Variants in LAMA2 observed in about 807,000 individuals in gnomAD.
LAMA2 encodes the protein laminin subunit alpha-2.
A neutral mutation model predicts 364.8 loss-of-function variants in LAMA2; 269 were observed. That is an observed-to-expected ratio of 0.74 (90% CI 0.67 to 0.82). The LOEUF (loss-of-function observed/expected upper bound fraction) is 0.82. LAMA2 is among the 40% of genes least tolerant of loss of function. LAMA2 has a pLI of 0.00. For missense variants in LAMA2, 3,807 were observed against 3,873.2 expected (o/e 0.98, Z 0.45); for synonymous variants, 1,379 against 1,370.6 (o/e 1.01, Z -0.14).
At chr6:129,218,548 A>C (rs2115089164) in intron 12 of LAMA2, among the ~76,000 whole-genome samples, 1 of 152,280 alleles carries the variant, frequency 6.6e-6, no homozygotes, top group Non-Finnish European at 1.5e-5. Flanking sequence ...AAGTTAAAAT[A>C]ATCATTTTTC....
Position 129,270,709 on chromosome 6 carries a change from A to G in LAMA2, c.2408A>G (p.Asp803Gly), listed in dbSNP as rs1251341449. ...GAGCCTACTAAAGGAACCTCTGAAG[A>G]CTGTCAACCCTGTGCCTGTCCACTC... ...YGEPTKGTSE[D>G]CQPCACPLNI... Residue 803 changes from aspartate to glycine, a missense_variant, in exon 17 of 65, where the codon GAC becomes GGC. Around this residue, in one of 3 missense-constraint regions of LAMA2, gnomAD observed 3,333 missense variants for 3,345.7 expected, o/e 1.00. Coordinates refer to ENST00000421865, the MANE Select transcript of LAMA2 (RefSeq NM_000426.4). 6.2e-7 allele frequency: 1 copy of G among 1,613,280 alleles called. No individual in the cohort carries two copies.
intron 3 of LAMA2, among the ~76,000 whole-genome samples, chr6:129,066,038 G>GTTTTTTTTTTTTTTTTTTTTTTTTTT (rs544271722): frequency 8.1e-5 from 3 of 37,118 alleles, no homozygotes; most frequent in African/African-American, 2.6e-4. Flanking sequence ...CCAGTCTCAG[G>GTTTTTTTTTTTTTTTTTTTTTTTTTT]TTTTTTTTTT....
intron 1 of LAMA2, among the ~76,000 whole-genome samples, chr6:129,037,039 G>A (rs974369944): frequency 1.1e-4 from 17 of 152,140 alleles, no homozygotes; most frequent in African/African-American, 4.1e-4. Context: ...ACATAGCTCA[G>A]GATTTCAGCA....
intron 1 of LAMA2, among the ~76,000 whole-genome samples, chr6:129,036,641 AAAG>A (rs985524062): frequency 8.1e-4 from 123 of 152,208 alleles, no homozygotes; most frequent in African/African-American, 2.8e-3. Context: ...TTAAAAAAAA[AAAG>A]AAGAAGAAGA....
At position 129,086,815 on chromosome 6, in the gene LAMA2, G is replaced by C. The variant is rs186075168; in HGVS notation, c.397-11358G>C. ...CAAGTCTCACTGAGCTAAAGTCCAG[G>C]TGTGGGTAGTATTGCATTTCTTTCT... On this transcript the variant is annotated intron_variant, in intron 3 of 64. Coordinates refer to ENST00000421865, the MANE Select transcript of LAMA2 (RefSeq NM_000426.4). Among the ~76,000 whole-genome samples the C allele has an allele frequency of 3.3e-3, 503 of 152,326 alleles. 1 individual carries two copies. The highest frequency in any genetic ancestry group is 6.0e-3 in the Non-Finnish European group (409 of 68,030).
At chr6:129,444,278 A>C (rs1356250012) in intron 44 of LAMA2, among the ~76,000 whole-genome samples, 2 of 152,208 alleles carry the variant, frequency 1.3e-5, no homozygotes, top group African/African-American at 4.8e-5. Context: ...AATTTGCCTA[A>C]GTCTAAGTAG....
intron 4 of LAMA2, among the ~76,000 whole-genome samples, chr6:129,112,210 C>T (rs1419013040): frequency 6.6e-6 from 1 of 151,880 alleles, no homozygotes; most frequent in Non-Finnish European, 1.5e-5. Flanking sequence ...GGAAAAAAAT[C>T]CTCTATTGCT....
At chr6:129,188,856 A>G (rs748565348) in intron 10 of LAMA2, among the ~76,000 whole-genome samples, 23 of 151,694 alleles carry the variant, frequency 1.5e-4, no homozygotes, top group Non-Finnish European at 2.5e-4. Context: ...TCTTCATGCT[A>G]TTTTTCTCTT....
intron 1 of LAMA2, among the ~76,000 whole-genome samples, chr6:129,005,508 G>A (rs772463427): frequency 3.1e-4 from 47 of 151,678 alleles, no homozygotes; most frequent in Non-Finnish European, 5.6e-4. Flanking sequence ...AAATTCATGG[G>A]TATAGATAAC....
At chr6:129,429,769 T>C (rs1236330887) in intron 41 of LAMA2, among the ~76,000 whole-genome samples, 1 of 152,230 alleles carries the variant, frequency 6.6e-6, no homozygotes, top group Non-Finnish European at 1.5e-5. Context: ...AGGTGATTCA[T>C]GCAAGTGCAA....
At chr6:129,267,325 A>G (rs1164355647) in intron 16 of LAMA2, 106 bp downstream of exon 16, 1 of 802,070 alleles carries the variant, frequency 1.2e-6, no homozygotes, top group East Asian at 2.4e-5. Context: ...TTGAGTCAAG[A>G]AGTGCTTTGA....
chr6:128,992,697 G>A (rs1783680805), intron 1 of LAMA2, among the ~76,000 whole-genome samples: 1 of 152,148 alleles, frequency 6.6e-6, no homozygotes, highest in Non-Finnish European at 1.5e-5. Flanking sequence ...GTGTAGTGGG[G>A]AAAATGAAGA....
At chr6:129,191,390 A>G (rs772911674) in intron 11 of LAMA2, among the ~76,000 whole-genome samples, 20 of 152,198 alleles carry the variant, frequency 1.3e-4, no homozygotes, top group Non-Finnish European at 2.5e-4. Flanking sequence ...TATTGCTTTC[A>G]GAGCAGACTT....
At chr6:129,075,145 T>C (rs1214667606) in intron 3 of LAMA2, among the ~76,000 whole-genome samples, 1 of 152,162 alleles carries the variant, frequency 6.6e-6, no homozygotes, top group Non-Finnish European at 1.5e-5. Flanking sequence ...GTATGTTCTA[T>C]GTATGCATTT....
At position 129,469,765 on chromosome 6, in the gene LAMA2, TACTC is replaced by T. The variant is rs1032193252; in HGVS notation, c.7301-3447_7301-3444del. Among the ~76,000 whole-genome samples, 11 of 151,844 alleles carry T rather than the reference TACTC, an allele frequency of 7.2e-5. No homozygotes were observed. The South Asian group carries it at 1.2e-3, about 17-fold the overall frequency. ...ATACAATGGAATACTAGCAATAAAA[TACTC>T]AGCAATAAAAAATAAAGTATTAATA... On this transcript the variant is annotated intron_variant, in intron 51 of 64. Transcript: ENST00000421865.
At chr6:129,272,823 G>A (rs994664512) in intron 17 of LAMA2, among the ~76,000 whole-genome samples, 10 of 152,102 alleles carry the variant, frequency 6.6e-5, no homozygotes, top group African/African-American at 2.4e-4. Context: ...AACTGCACCT[G>A]CGAGGGATCT....
chr6:129,315,109 G>C (rs1316827875), intron 24 of LAMA2, among the ~76,000 whole-genome samples: 1 of 152,166 alleles, frequency 6.6e-6, no homozygotes, highest in African/African-American at 2.4e-5. Flanking sequence ...ATGTTGATAT[G>C]AGCTAACACA....
chr6:129,235,511 GAA>G (rs1161554085), intron 12 of LAMA2, among the ~76,000 whole-genome samples: 3 of 152,182 alleles, frequency 2.0e-5, no homozygotes, highest in Non-Finnish European at 4.4e-5. Context: ...GAGAGTATGA[GAA>G]AGTGTGTGTT....
At chr6:129,507,729 G>C (rs1394628377) in intron 62 of LAMA2, 87 bp downstream of exon 62, 2 of 1,368,606 alleles carry the variant, frequency 1.5e-6, no homozygotes, top group Non-Finnish European at 2.1e-6. Context: ...AAAGTTCCTA[G>C]AGTCCTAAAC....
Sources: allele counts gnomAD v4.1 joint callset (sites outside exome capture counted in the v4.1 genomes callset), GRCh38; gene constraint gnomAD v4.1.1; regional missense constraint gnomAD v4.1.1; transcripts MANE v1.5; gene names NCBI Gene and HGNC (gene_info 2026-07-23, HGNC 2026-07-21).